INO80D: variants seen among roughly 807,000 people sequenced by gnomAD.
INO80D encodes INO80 complex subunit D.
In INO80D, 21 loss-of-function variants were observed where a neutral mutation model predicts 87.6. The observed-to-expected ratio is 0.24, with a 90% CI of 0.17 to 0.35. The LOEUF is 0.35. Among genes scored for constraint, INO80D ranks in the 10% least tolerant of loss-of-function variants. The pLI is 1.00. For synonymous variants in INO80D, 440 were observed against 491.0 expected (o/e 0.90, Z 1.37); for missense variants, 982 against 1,280.7 (o/e 0.77, Z 3.56).
rs1384106196 is a variant in INO80D at position 206,028,338 on chromosome 2, G to T, written c.1074-3C>A. 6.3e-7 allele frequency: 1 copy of T among 1,581,010 alleles called. No homozygotes were observed. The highest frequency in any genetic ancestry group is 8.7e-7 in the Non-Finnish European group (1 of 1,156,028). On this transcript the variant is annotated splice_region_variant and splice_polypyrimidine_tract_variant and intron_variant, in intron 5 of 10. Transcript: ENST00000403263. ...TCTCCGCATCATCATCATCTGACCTGGAAAGTGCAGGGAGAGAAAGGAAAA... is the reference window on the plus strand; with the variant it reads ...TCTCCGCATCATCATCATCTGACCTTGAAAGTGCAGGGAGAGAAAGGAAAA...
rs200938296 is a variant in INO80D, at chr2:206,056,329, G to C, written c.833C>G (p.Pro278Arg). 232 of 1,613,984 alleles carry C rather than the reference G, an allele frequency of 1.4e-4. 1 individual carries two copies. The African/African-American group carries it at 2.9e-3, about 20-fold the overall frequency. Residue 278 changes from proline to arginine, a missense_variant, in exon 4 of 11, where the codon CCC (proline) becomes CGC (arginine). Transcript: ENST00000403263. ...TTTCATGAGGATCCGGTCAGTCCTG[G>C]GTGGGTCCACAGTGGGAGCCCTACT... ...PSSRAPTVDP[P>R]RTDRILMKAT... is the part of the protein sequence containing the mutation.
intron 6 of INO80D, among the ~76,000 whole-genome samples, chr2:206,026,284 G>T (rs1688613634): frequency 6.6e-6 from 1 of 152,104 alleles, no homozygotes; most frequent in Non-Finnish European, 1.5e-5. Context: ...AGTGGCTCAT[G>T]CCTGTGATCC....
At chr2:206,042,905 A>C (rs1230596280) in intron 5 of INO80D, among the ~76,000 whole-genome samples, 1 of 152,118 alleles carries the variant, frequency 6.6e-6, no homozygotes, top group Admixed American at 6.5e-5. Context: ...CCAGGAAGTC[A>C]AGGCTGCAGT....
At chr2:206,050,258 C>G (rs1455889903) in intron 4 of INO80D, among the ~76,000 whole-genome samples, 1 of 151,298 alleles carries the variant, frequency 6.6e-6, no homozygotes. Flanking sequence ...TTTGGGAAGC[C>G]GAGGCGGGCA....
chr2:206,020,655 C>G (rs988028241), intron 6 of INO80D, among the ~76,000 whole-genome samples: 4 of 151,958 alleles, frequency 2.6e-5, no homozygotes, highest in Non-Finnish European at 5.9e-5. Context: ...TATTTTAACT[C>G]ATTTAAAATC....
intron 5 of INO80D, among the ~76,000 whole-genome samples, chr2:206,039,496 T>C (rs1688980216): frequency 2.6e-5 from 4 of 152,200 alleles, no homozygotes; most frequent in Admixed American, 2.6e-4. Flanking sequence ...AGAATTTTAT[T>C]TAATAAATAA....
chr2:206,061,437 TA>T lies in INO80D; in HGVS notation c.218+1361del, dbSNP rs545458525. Among the ~76,000 whole-genome samples, 41 of 151,688 alleles carry T rather than the reference TA, an allele frequency of 2.7e-4. 1 individual carries two copies. The East Asian group carries it at 7.7e-3, about 29-fold the overall frequency. ...AATGTGTTTACGATGGGGCTTGATG[TA>T]AAAAAAAATTAATCCAAGCTCATCC... On this transcript the variant is annotated intron_variant, in intron 3 of 10. Transcript: ENST00000403263.
chr2:206,059,600 G>C (rs1689630518), intron 3 of INO80D, among the ~76,000 whole-genome samples: 1 of 152,120 alleles, frequency 6.6e-6, no homozygotes. Context: ...ATATGTGTGG[G>C]TGTGTTTTGT....
chr2:206,050,496 GA>G (rs3079265), intron 4 of INO80D, among the ~76,000 whole-genome samples: 796 of 99,404 alleles, frequency 8.0e-3, no homozygotes, highest in East Asian at 0.018. Flanking sequence ...CGTCTCAAAA[GA>G]AAAAAAAAAA....
Position 206,017,808 on chromosome 2 carries a change from G to C in INO80D, c.1414C>G (p.Leu472Val). The C allele has an allele frequency of 6.3e-7, 1 of 1,599,830 alleles. No homozygotes were observed. The highest frequency in any genetic ancestry group is 2.2e-5 in the East Asian group (1 of 44,782). Residue 472 changes from leucine (L) to valine (V), a missense_variant, in exon 8 of 11, where the codon CTC (leucine) becomes GTC (valine). By Grantham distance (32) the Leu-to-Val change is conservative. Coordinates refer to ENST00000403263, the MANE Select transcript of INO80D (RefSeq NM_017759.5). ...PFTRHCFQHILLNHSQQLFSS... is the reference protein window; with the variant it reads ...PFTRHCFQHIVLNHSQQLFSS... Reference sequence around the variant, plus strand: ...AAGAGCTGCTGAGAGTGGTTCAAGAGGATATCTGGGTTTTTTTAAGTTAGG... The same window carrying C: ...AAGAGCTGCTGAGAGTGGTTCAAGACGATATCTGGGTTTTTTTAAGTTAGG...
rs1575788413 is a variant in INO80D, at chr2:206,004,922, T to C, written c.2530A>G (p.Thr844Ala). The change falls in exon 11 of 11, where the codon ACC (threonine) becomes GCC (alanine). Residue 844 changes from threonine (T) to alanine (A), a missense_variant. Transcript: ENST00000403263. This position sits in a 1 kb window ranked among gnomAD's most constrained non-coding sequence, Gnocchi z 4.9. ...HVPSPYSDHI[T>A]SPHTTSYSGD... ...GAGTACGATGTTGTGTGGGGAGAGG[T>C]GATATGGTCACTGTAGGGAGACGGC... The C allele has an allele frequency of 6.2e-7, 1 of 1,613,242 alleles. No homozygotes were observed.
rs1575806649 is a variant in INO80D at position 206,017,906 on chromosome 2, A to G, written c.1409-93T>C. 3.6e-6 allele frequency: 4 copies of G among 1,096,240 alleles called. No individual in the cohort carries two copies. In the East Asian group the frequency reaches 7.5e-5, roughly 21 times the overall value. 67.9% of individuals were successfully genotyped at this position (1,096,240 alleles called of 1,614,324 possible). A position where few individuals can be genotyped will look rare whatever the true frequency, so the allele number is the denominator to read the frequency against. ...GCTTGTTCCCTTACATTTCATAAGTACAAGCTTTATTATCCATAATATAAA... is the reference window on the plus strand; with the variant it reads ...GCTTGTTCCCTTACATTTCATAAGTGCAAGCTTTATTATCCATAATATAAA... On this transcript the variant is annotated intron_variant, in intron 7 of 10. Transcript: ENST00000403263.
intron 4 of INO80D, among the ~76,000 whole-genome samples, chr2:206,055,856 A>G (rs1689503181): frequency 6.6e-6 from 1 of 152,206 alleles, no homozygotes; most frequent in South Asian, 2.1e-4. Context: ...TAGCATTTAC[A>G]TTATATCAGG....
At chr2:206,072,843 TCTC>T (rs1294051879) in intron 1 of INO80D, among the ~76,000 whole-genome samples, 1 of 135,470 alleles carries the variant, frequency 7.4e-6, no homozygotes, top group African/African-American at 3.1e-5. Context: ...CTAACTTTCT[TCTC>T]TTTTTTTTTT....
intron 5 of INO80D, among the ~76,000 whole-genome samples, chr2:206,037,406 A>C (rs942510983): frequency 6.6e-6 from 1 of 152,216 alleles, no homozygotes; most frequent in Non-Finnish European, 1.5e-5. Context: ...AAACAGGAGA[A>C]TCAGAAAGAG....
chr2:206,056,214 A>G lies in INO80D; in HGVS notation c.948T>C (p.Asp316=), dbSNP rs753352233. 5 of 1,586,796 alleles carry G rather than the reference A, an allele frequency of 3.2e-6. No homozygotes were observed. In the Admixed American group the frequency reaches 8.9e-5, roughly 28 times the overall value. The part of the protein sequence containing the change: ...LCTQKHQLDT[D]LFPHLGLDWS... ...ATAACTCACCTAAATGGGGAAACAG[A>G]TCAGTGTCCAACTGATGTTTCTGGG... Residue 316 remains aspartate (D), a synonymous_variant, in exon 4 of 11, where the codon GAT becomes GAC. Coordinates refer to ENST00000403263, the MANE Select transcript of INO80D (RefSeq NM_017759.5).
chr2:206,008,282 C>G (rs1215926968), intron 9 of INO80D, among the ~76,000 whole-genome samples: 1 of 121,196 alleles, frequency 8.3e-6, no homozygotes, highest in South Asian at 2.8e-4. Context: ...CCATGCCTTG[C>G]TTTTTTTTTT....
intron 8 of INO80D, among the ~76,000 whole-genome samples, chr2:206,014,788 T>A (rs1323634953): frequency 1.3e-5 from 2 of 152,112 alleles, no homozygotes; most frequent in African/African-American, 2.4e-5. Context: ...AGGCAGAGGC[T>A]GGAACAGTTT....
chr2:206,074,291 C>G (rs1690051561), intron 1 of INO80D, among the ~76,000 whole-genome samples: 3 of 152,160 alleles, frequency 2.0e-5, no homozygotes, highest in Admixed American at 1.3e-4. Context: ...AATATTTCAA[C>G]AGCAAACATA....
Sources: gnomAD v4.1 joint callset for allele counts (sites outside exome capture counted in the v4.1 genomes callset) on GRCh38, gnomAD v4.1.1 for gene constraint, Gnocchi (gnomAD v3.1) non-coding constraint, MANE v1.5 for transcripts, NCBI Gene and HGNC (gene_info 2026-07-23, HGNC 2026-07-21) for gene names.